DCC: variants seen among roughly 807,000 people sequenced by gnomAD.
DCC encodes netrin receptor DCC.
A neutral mutation model predicts 172.5 loss-of-function variants in DCC; 58 were observed. The observed-to-expected ratio is 0.34, with a 90% CI of 0.27 to 0.42. DCC has a LOEUF of 0.42. Ranked by LOEUF, DCC falls within the 10% of genes least tolerant of loss-of-function variation. The probability of loss-of-function intolerance (pLI) is 1.00; values close to 1 mark genes in which losing one functional copy is unlikely to be tolerated. For missense variants in DCC, 1,740 were observed against 1,791.0 expected (o/e 0.97, Z 0.51); for synonymous variants, 709 against 644.5 (o/e 1.10, Z -1.52).
chr18:52,814,595 A>G (rs528667766), intron 2 of DCC, among the ~76,000 whole-genome samples: 13 of 152,360 alleles, frequency 8.5e-5, no homozygotes, highest in African/African-American at 3.1e-4. Flanking sequence ...GCTAAATAAT[A>G]GGCAAAAAAC....
intron 1 of DCC, among the ~76,000 whole-genome samples, chr18:52,418,668 T>A (rs964636040): frequency 6.6e-6 from 1 of 152,020 alleles, no homozygotes; most frequent in African/African-American, 2.4e-5. Flanking sequence ...CATTCACAGG[T>A]GCAACCTCTC....
In DCC at chr18:52,346,795, T is replaced by A. The variant is rs562304866; in HGVS notation, c.91+5917T>A. Reference sequence around the variant, plus strand: ...TCTTATGGCATGACTTCTGTAGGAATGTTTCTCTTTTCTAGTAAATTCCAC... The same window carrying A: ...TCTTATGGCATGACTTCTGTAGGAAAGTTTCTCTTTTCTAGTAAATTCCAC... On this transcript the variant is annotated intron_variant, in intron 1 of 28. Coordinates refer to ENST00000442544, the MANE Select transcript of DCC (RefSeq NM_005215.4). Among the ~76,000 whole-genome samples, 10 of 152,322 alleles carry A rather than the reference T, an allele frequency of 6.6e-5. No individual in the cohort carries two copies. In the East Asian group the frequency reaches 1.9e-3, roughly 29 times the overall value.
At chr18:52,493,283 C>G (rs1462953264) in intron 1 of DCC, among the ~76,000 whole-genome samples, 1 of 152,036 alleles carries the variant, frequency 6.6e-6, no homozygotes, top group Middle Eastern at 3.2e-3. Context: ...AGGATTGACT[C>G]TGGCAAGTAA....
At chr18:52,968,551 G>T (rs536578212) in intron 5 of DCC, among the ~76,000 whole-genome samples, 1 of 152,048 alleles carries the variant, frequency 6.6e-6, no homozygotes, top group South Asian at 2.1e-4. Context: ...GCCCTACATT[G>T]CCCTCTTCAT....
chr18:53,253,587 C>T (rs528024614), intron 12 of DCC, among the ~76,000 whole-genome samples: 7 of 152,068 alleles, frequency 4.6e-5, no homozygotes, highest in South Asian at 4.1e-4. Flanking sequence ...ATTAATATTG[C>T]CCTTCTCTAA....
intron 5 of DCC, among the ~76,000 whole-genome samples, chr18:53,053,981 G>C (rs1441711372): frequency 6.6e-6 from 1 of 152,096 alleles, no homozygotes; most frequent in Non-Finnish European, 1.5e-5. Context: ...TATAGAAGAA[G>C]AGTGGTCCCT....
chr18:53,443,164 G>C (rs1278967665), intron 22 of DCC, among the ~76,000 whole-genome samples: 1 of 152,166 alleles, frequency 6.6e-6, no homozygotes, highest in Non-Finnish European at 1.5e-5. Flanking sequence ...ATGCCATTTA[G>C]GACTTTCATA....
chr18:53,274,913 A>T (rs1343247432), intron 12 of DCC, among the ~76,000 whole-genome samples: 1 of 152,100 alleles, frequency 6.6e-6, no homozygotes, highest in Non-Finnish European at 1.5e-5. Flanking sequence ...TGCATATTAC[A>T]GTACGGGGAA....
At chr18:53,131,475 C>T (rs2043650084) in intron 7 of DCC, among the ~76,000 whole-genome samples, 1 of 152,010 alleles carries the variant, frequency 6.6e-6, no homozygotes, top group Non-Finnish European at 1.5e-5. Flanking sequence ...AAGGATAAAA[C>T]CTGACAAATT....
At chr18:52,939,536 T>A (rs1465435361) in intron 5 of DCC, among the ~76,000 whole-genome samples, 1 of 152,202 alleles carries the variant, frequency 6.6e-6, no homozygotes, top group Non-Finnish European at 1.5e-5. Flanking sequence ...CTCTGAATGA[T>A]TTGTTACCAT....
At chr18:52,895,586 A>C (rs2039716727) in intron 2 of DCC, among the ~76,000 whole-genome samples, 1 of 152,230 alleles carries the variant, frequency 6.6e-6, no homozygotes, top group African/African-American at 2.4e-5. Context: ...CATTTAAAAA[A>C]AGTTTATTAA....
intron 12 of DCC, among the ~76,000 whole-genome samples, chr18:53,282,079 C>T (rs1461612242): frequency 6.6e-6 from 1 of 152,080 alleles, no homozygotes; most frequent in Admixed American, 6.6e-5. Flanking sequence ...TTTTTCACTA[C>T]CTACAACGTA....
At chr18:52,861,674 C>T (rs1407353827) in intron 2 of DCC, among the ~76,000 whole-genome samples, 6 of 151,946 alleles carry the variant, frequency 3.9e-5, no homozygotes, top group Non-Finnish European at 5.9e-5. Flanking sequence ...TTAAAAAAAG[C>T]GTTTAAGTCC....
At chr18:52,868,666 C>T (rs12455180) in intron 2 of DCC, among the ~76,000 whole-genome samples, 46,420 of 152,018 alleles carry the variant, frequency 0.31, 8,471 homozygotes, top group East Asian at 0.51. Flanking sequence ...GCTCTGTGGC[C>T]GGTGGCACTT....
chr18:53,329,135 T>A (rs756510115), intron 14 of DCC, among the ~76,000 whole-genome samples: 1 of 152,156 alleles, frequency 6.6e-6, no homozygotes, highest in Non-Finnish European at 1.5e-5. Context: ...AAAAATATTA[T>A]AGGAATATAA....
At chr18:52,713,814 A>G (rs2036335196) in intron 1 of DCC, among the ~76,000 whole-genome samples, 1 of 152,188 alleles carries the variant, frequency 6.6e-6, no homozygotes, top group Admixed American at 6.5e-5. Context: ...TAAGTGTGAT[A>G]CAGGGAAGCA....
chr18:52,805,989 T>C (rs1018941673), intron 2 of DCC, among the ~76,000 whole-genome samples: 6 of 152,260 alleles, frequency 3.9e-5, no homozygotes, highest in African/African-American at 1.4e-4. Flanking sequence ...AAACTGAAGA[T>C]ATTACCATGC....
At chr18:52,580,501 C>A (rs2033520092) in intron 1 of DCC, among the ~76,000 whole-genome samples, 1 of 152,154 alleles carries the variant, frequency 6.6e-6, no homozygotes, top group Admixed American at 6.5e-5. Context: ...GCCACAGGGA[C>A]CCAGTTTTAC....
intron 1 of DCC, among the ~76,000 whole-genome samples, chr18:52,521,873 G>A (rs1231090638): frequency 6.6e-6 from 1 of 152,044 alleles, no homozygotes; most frequent in Non-Finnish European, 1.5e-5. Flanking sequence ...TCCAGCCAAA[G>A]CAAATTGCAG....
Sources: allele counts gnomAD v4.1 joint callset (sites outside exome capture counted in the v4.1 genomes callset), GRCh38; gene constraint gnomAD v4.1.1; transcripts MANE v1.5; gene names NCBI Gene and HGNC (gene_info 2026-07-23, HGNC 2026-07-21).